Variants in LRP1B observed in about 807,000 individuals in gnomAD.
The protein encoded by LRP1B is low-density lipoprotein receptor-related protein 1B.
In LRP1B, 217 loss-of-function variants were observed where a neutral mutation model predicts 556.6. That is an observed-to-expected ratio of 0.39 (90% confidence interval 0.35 to 0.44). LRP1B has a LOEUF of 0.44. Ranked by LOEUF, LRP1B falls within the 20% of genes least tolerant of loss-of-function variation. The pLI is 1.00. For missense variants in LRP1B, 5,053 were observed against 5,620.8 expected, an observed-to-expected ratio of 0.90 and a Z score of 3.23; for synonymous variants, 2,047 against 1,865.8, an observed-to-expected ratio of 1.10 and a Z score of -2.50.
intron 11 of LRP1B, among the ~76,000 whole-genome samples, chr2:141,035,621 T>G (rs1283297339): frequency 1.3e-5 from 2 of 152,074 alleles, no homozygotes; most frequent in East Asian, 3.9e-4. Context: ...ATCAGATTTA[T>G]AGATTACCTT....
In LRP1B at chr2:141,057,184, C is replaced by A. The variant is rs145528886; in HGVS notation, c.1408+1699G>T. 3.4e-3 allele frequency among the ~76,000 whole-genome samples: 517 copies of A among 151,886 alleles called. 2 individuals carry two copies. Among genetic ancestry groups the A allele is most frequent in the African/African-American group, 0.012 (495 of 41,478 alleles). On this transcript the variant is annotated intron_variant, in intron 9 of 90. Transcript: ENST00000389484. ...GGTTCTTTAAAAATGTCAGTCATAC[C>A]GTGAGATTTTTCTGTTTAATGCTTT...
intron 83 of LRP1B, among the ~76,000 whole-genome samples, chr2:140,302,805 C>A (rs1403515050): frequency 6.6e-6 from 1 of 152,032 alleles, no homozygotes; most frequent in Non-Finnish European, 1.5e-5. Context: ...AAGACTTACA[C>A]CTGAATTGCT....
chr2:140,970,062 G>A (rs1490951612), intron 18 of LRP1B, among the ~76,000 whole-genome samples: 2 of 152,134 alleles, frequency 1.3e-5, no homozygotes, highest in African/African-American at 4.8e-5. Flanking sequence ...GAATTTGAAT[G>A]TTGGCTGGCC....
intron 23 of LRP1B, among the ~76,000 whole-genome samples, chr2:140,892,694 A>G (rs1287243781): frequency 6.6e-6 from 1 of 152,160 alleles, no homozygotes; most frequent in African/African-American, 2.4e-5. Flanking sequence ...ATCCACATCT[A>G]TAAGAATGCC....
chr2:141,826,949 GA>G (rs1696948532), intron 1 of LRP1B, among the ~76,000 whole-genome samples: 1 of 152,134 alleles, frequency 6.6e-6, no homozygotes, highest in Non-Finnish European at 1.5e-5. Context: ...CTGTCAACCT[GA>G]AACATTTTCG....
chr2:141,719,101 G>T (rs964017423), intron 2 of LRP1B, among the ~76,000 whole-genome samples: 1 of 152,006 alleles, frequency 6.6e-6, no homozygotes, highest in African/African-American at 2.4e-5. Context: ...TCTTGTCAGT[G>T]AGAAAAATAG....
At position 140,325,423 on chromosome 2, in the gene LRP1B, T is replaced by C. The variant is rs536445908; in HGVS notation, c.12340+339A>G. On this transcript the variant is annotated intron_variant, in intron 80 of 90. Transcript: ENST00000389484. ...ACTCATTGTTTGCTTGTTATTGCAA[T>C]TGAAATAAAAGTTAGTGTCCACAGG... is the stretch of plus-strand genomic sequence containing the variant. Among the ~76,000 whole-genome samples the C allele has an allele frequency of 2.6e-5, 4 of 152,266 alleles. No homozygotes were observed. The East Asian group carries it at 7.7e-4, about 29-fold the overall frequency.
intron 43 of LRP1B, among the ~76,000 whole-genome samples, chr2:140,563,976 G>A (rs1185702453): frequency 6.6e-6 from 1 of 152,164 alleles, no homozygotes; most frequent in Non-Finnish European, 1.5e-5. Flanking sequence ...CCCTATGGGA[G>A]GGAGGGGTAG....
intron 7 of LRP1B, among the ~76,000 whole-genome samples, chr2:141,068,940 T>C (rs1699558449): frequency 6.6e-6 from 1 of 152,060 alleles, no homozygotes; most frequent in Non-Finnish European, 1.5e-5. Flanking sequence ...CAAAACGATA[T>C]TTATGAAGAA....
At chr2:141,703,463 G>C (rs1692023793) in intron 2 of LRP1B, among the ~76,000 whole-genome samples, 1 of 151,888 alleles carries the variant, frequency 6.6e-6, no homozygotes, top group Non-Finnish European at 1.5e-5. Flanking sequence ...GAAATTAAAA[G>C]CTTTCACAAG....
intron 6 of LRP1B, among the ~76,000 whole-genome samples, chr2:141,199,511 G>C (rs1374912214): frequency 1.3e-5 from 2 of 151,914 alleles, no homozygotes; most frequent in Non-Finnish European, 2.9e-5. Flanking sequence ...GAACTACAAG[G>C]CTCCTAAACT....
intron 1 of LRP1B, among the ~76,000 whole-genome samples, chr2:141,881,835 A>G (rs1419738794): frequency 3.3e-5 from 5 of 152,158 alleles, no homozygotes; most frequent in African/African-American, 1.2e-4. Context: ...CTAACAGAGT[A>G]AGAATGTCAA....
chr2:140,623,817 G>A (rs918440624), intron 41 of LRP1B, among the ~76,000 whole-genome samples: 1 of 151,776 alleles, frequency 6.6e-6, no homozygotes, highest in Non-Finnish European at 1.5e-5. Flanking sequence ...TACTCTGGAG[G>A]CTGAGGCAGG....
chr2:141,664,975 C>T (rs550383104), intron 2 of LRP1B, among the ~76,000 whole-genome samples: 30 of 152,206 alleles, frequency 2.0e-4, no homozygotes, highest in African/African-American at 7.2e-4. Context: ...TCTACAATAA[C>T]CAAAACAGCA....
At chr2:141,034,746 T>C (rs1387270823) in intron 11 of LRP1B, among the ~76,000 whole-genome samples, 42 of 144,964 alleles carry the variant, frequency 2.9e-4, no homozygotes, top group Middle Eastern at 3.5e-3. Context: ...GGAACACTTT[T>C]ACACTGTTGG....
At chr2:141,268,524 A>G (rs895362452) in intron 3 of LRP1B, among the ~76,000 whole-genome samples, 1 of 152,182 alleles carries the variant, frequency 6.6e-6, no homozygotes, top group African/African-American at 2.4e-5. Context: ...ATGTCACTCA[A>G]TGAAATCGTG....
intron 2 of LRP1B, among the ~76,000 whole-genome samples, chr2:141,495,084 C>A (rs547196146): frequency 5.3e-5 from 8 of 152,080 alleles, no homozygotes; most frequent in Middle Eastern, 6.8e-3. Context: ...TTCCGGTTAT[C>A]TATGTTGTAG....
At chr2:141,605,079 GCAAA>G (rs1687867323) in intron 2 of LRP1B, among the ~76,000 whole-genome samples, 2 of 151,930 alleles carry the variant, frequency 1.3e-5, no homozygotes, top group Non-Finnish European at 2.9e-5. Context: ...TTCCTGGCTG[GCAAA>G]GTGACCAAGA....
At chr2:141,004,956 A>G (rs1455026249) in intron 15 of LRP1B, among the ~76,000 whole-genome samples, 1 of 152,064 alleles carries the variant, frequency 6.6e-6, no homozygotes, top group African/African-American at 2.4e-5. Flanking sequence ...CTTAATACAG[A>G]CAACTGAGTC....
Sources: allele counts gnomAD v4.1 joint callset (sites outside exome capture counted in the v4.1 genomes callset), GRCh38; gene constraint gnomAD v4.1.1; transcripts MANE v1.5; gene names NCBI Gene and HGNC (gene_info 2026-07-23, HGNC 2026-07-21).